Variants in RORA observed in about 807,000 individuals in gnomAD.
RORA encodes nuclear receptor ROR-alpha.
RORA carries 7 observed loss-of-function variants against 69.5 expected under a neutral mutation model. That is an observed-to-expected ratio of 0.10 (90% CI 0.06 to 0.19). The LOEUF (loss-of-function observed/expected upper bound fraction) is 0.19. RORA is among the 10% of genes least tolerant of loss of function. The probability of loss-of-function intolerance (pLI) is 1.00; values close to 1 mark genes in which losing one functional copy is unlikely to be tolerated. For missense variants in RORA, 457 were observed against 663.0 expected, an observed-to-expected ratio of 0.69 and a Z score of 3.41; for synonymous variants, 261 against 240.8, an observed-to-expected ratio of 1.08 and a Z score of -0.78.
intron 1 of RORA, among the ~76,000 whole-genome samples, chr15:60,794,982 T>C (rs1178741207): frequency 2.6e-5 from 4 of 152,154 alleles, no homozygotes; most frequent in Admixed American, 6.5e-5. Context: ...TCCTGGACCT[T>C]AGTTGCTAAA....
chr15:61,084,992 C>G (rs1036255157), intron 1 of RORA, among the ~76,000 whole-genome samples: 4 of 152,182 alleles, frequency 2.6e-5, no homozygotes, highest in Non-Finnish European at 5.9e-5. Context: ...AGTGATTGCA[C>G]TGACATGATA....
At chr15:60,756,363 T>C (rs1309984788) in intron 1 of RORA, among the ~76,000 whole-genome samples, 1 of 152,240 alleles carries the variant, frequency 6.6e-6, no homozygotes, top group Non-Finnish European at 1.5e-5. Context: ...TTAAGTTGTC[T>C]GATTCTTACC....
chr15:60,883,151 A>AAAAG (rs2073708739), intron 1 of RORA, among the ~76,000 whole-genome samples: 4 of 49,374 alleles, frequency 8.1e-5, no homozygotes, highest in Non-Finnish European at 1.2e-4. Context: ...AAAAAAAAAA[A>AAAAG]GAAAGAGAGA....
chr15:60,936,269 G>C (rs772402141), intron 1 of RORA, among the ~76,000 whole-genome samples: 3 of 152,218 alleles, frequency 2.0e-5, no homozygotes, highest in Non-Finnish European at 2.9e-5. Context: ...ACAGTCTTCT[G>C]TCTATCTACT....
At chr15:60,910,726 T>C (rs145101972) in intron 1 of RORA, among the ~76,000 whole-genome samples, 10 of 152,280 alleles carry the variant, frequency 6.6e-5, no homozygotes, top group African/African-American at 2.4e-4. Flanking sequence ...ACATGGCTTC[T>C]CTCTTGATAC....
At chr15:61,201,966 T>G (rs1360197288) in intron 1 of RORA, among the ~76,000 whole-genome samples, 1 of 152,074 alleles carries the variant, frequency 6.6e-6, no homozygotes, top group Admixed American at 6.5e-5. Context: ...TAATATGATA[T>G]TTCTATTTCT....
chr15:60,892,800 CAGG>C (rs2073825868), intron 1 of RORA, among the ~76,000 whole-genome samples: 1 of 152,216 alleles, frequency 6.6e-6, no homozygotes, highest in Non-Finnish European at 1.5e-5. Flanking sequence ...GTTCCAGTTT[CAGG>C]AGGTTACAAG....
chr15:61,130,116 C>A (rs1347879849), intron 1 of RORA, among the ~76,000 whole-genome samples: 3 of 152,220 alleles, frequency 2.0e-5, no homozygotes, highest in African/African-American at 7.2e-5. Flanking sequence ...TCATTAGACA[C>A]CTCTTGGGTC....
chr15:60,723,146 A>G (rs1216017977), intron 1 of RORA, among the ~76,000 whole-genome samples: 3 of 152,246 alleles, frequency 2.0e-5, no homozygotes, highest in Non-Finnish European at 4.4e-5. Flanking sequence ...TTTAAATGAT[A>G]CATAGGGACT....
intron 1 of RORA, among the ~76,000 whole-genome samples, chr15:61,177,313 G>A (rs552047537): frequency 7.0e-4 from 106 of 152,254 alleles, no homozygotes; most frequent in Non-Finnish European, 1.4e-3. Context: ...AGAAATGCGT[G>A]CTTAGAAATA....
intron 2 of RORA, among the ~76,000 whole-genome samples, chr15:60,629,871 A>C (rs2069694768): frequency 6.6e-6 from 1 of 152,220 alleles, no homozygotes. Context: ...CGTCTACATA[A>C]ATCAACACTG....
chr15:60,617,575 G>GCAT (rs2069279323), intron 2 of RORA, among the ~76,000 whole-genome samples: 1 of 150,872 alleles, frequency 6.6e-6, no homozygotes, highest in African/African-American at 2.4e-5. Context: ...ATAGCACAGT[G>GCAT]GATGATGAGC....
intron 1 of RORA, among the ~76,000 whole-genome samples, chr15:61,053,107 G>A (rs551699651): frequency 1.2e-4 from 18 of 152,256 alleles, no homozygotes; most frequent in African/African-American, 4.1e-4. Context: ...TGTGTTATCA[G>A]GAAGAGATAA....
chr15:61,198,444 G>A lies in RORA; in HGVS notation c.166+30609C>T, dbSNP rs551578146. Among the ~76,000 whole-genome samples, 49 of 152,108 alleles carry A rather than the reference G, an allele frequency of 3.2e-4. 1 individual carries two copies. The South Asian group carries it at 6.6e-3, about 21-fold the overall frequency. ...CTAAACATTCTCATCATGGATGTTC[G>A]GGAATGAGCAATACCAGCCGCAGAA... is the stretch of plus-strand genomic sequence containing the variant. On this transcript the variant is annotated intron_variant, in intron 1 of 10. Coordinates refer to ENST00000335670, the MANE Select transcript of RORA (RefSeq NM_134261.3).
intron 1 of RORA, among the ~76,000 whole-genome samples, chr15:61,110,607 G>A (rs1595997297): frequency 6.6e-6 from 1 of 152,194 alleles, no homozygotes; most frequent in African/African-American, 2.4e-5. Flanking sequence ...TGTTATAGGC[G>A]AGGACAGCTC....
At chr15:60,622,912 C>T (rs1480549967) in intron 2 of RORA, among the ~76,000 whole-genome samples, 6 of 152,016 alleles carry the variant, frequency 3.9e-5, no homozygotes, top group African/African-American at 1.2e-4. Context: ...GATGGGGTTT[C>T]ACCATATTGG....
chr15:61,040,408 C>A (rs1896702062), intron 1 of RORA, among the ~76,000 whole-genome samples: 1 of 151,780 alleles, frequency 6.6e-6, no homozygotes, highest in African/African-American at 2.4e-5. Flanking sequence ...GCTTGCCTGA[C>A]CTCAGCTCAC....
chr15:61,087,580 T>C (rs2078643162), intron 1 of RORA, among the ~76,000 whole-genome samples: 1 of 152,240 alleles, frequency 6.6e-6, no homozygotes, highest in Non-Finnish European at 1.5e-5. Flanking sequence ...CTGCATGTGA[T>C]TTCAGTCATA....
chr15:60,836,624 T>TCCAG (rs2073119478), intron 1 of RORA, among the ~76,000 whole-genome samples: 1 of 152,168 alleles, frequency 6.6e-6, no homozygotes, highest in Non-Finnish European at 1.5e-5. Context: ...CAGCGGGGAC[T>TCCAG]CCAGACATAG....
Sources: allele counts gnomAD v4.1 joint callset (sites outside exome capture counted in the v4.1 genomes callset), GRCh38; gene constraint gnomAD v4.1.1; transcripts MANE v1.5; gene names NCBI Gene and HGNC (gene_info 2026-07-23, HGNC 2026-07-21).